Variants in MYH9 observed in about 807,000 individuals in gnomAD.
MYH9 encodes the protein myosin-9.
Under a neutral mutation model 241.9 loss-of-function variants are expected in MYH9, and 29 were observed. The observed-to-expected ratio is 0.12, with a 90% CI of 0.09 to 0.16. The LOEUF (loss-of-function observed/expected upper bound fraction) is 0.16. MYH9 is among the 10% of genes least tolerant of loss of function. The pLI is 1.00. For missense variants in MYH9, 1,803 were observed against 2,595.5 expected, an observed-to-expected ratio of 0.69 and a Z score of 6.63; for synonymous variants, 1,047 against 1,062.6, an observed-to-expected ratio of 0.99 and a Z score of 0.29.
Position 36,316,528 on chromosome 22 carries a change from C to A in MYH9, c.1369G>T (p.Glu457Ter). The A allele has an allele frequency of 6.2e-7, 1 of 1,614,054 alleles. No individual in the cohort carries two copies. Among genetic ancestry groups the A allele is most frequent in the Non-Finnish European group, 8.5e-7 (1 of 1,180,010 alleles). ...AGGGCAAGGCTCACATCAAAGATCT[C>A]GAAGCCGGCAATGTCCAGGATCCCG... ...FIGILDIAGFEIFDLNSFEQL... is the reference protein window; with the variant it reads ...FIGILDIAGF Residue 457 changes from glutamate to a stop codon, truncating the protein, a stop_gained, in exon 12 of 41, where the codon GAG becomes TAG. Coordinates refer to ENST00000216181, the MANE Select transcript of MYH9 (RefSeq NM_002473.6). LOFTEE classifies it high-confidence loss of function.
At chr22:36,333,852 G>A (rs1425433923) in intron 3 of MYH9, among the ~76,000 whole-genome samples, 1 of 152,178 alleles carries the variant, frequency 6.6e-6, no homozygotes, top group African/African-American at 2.4e-5. Context: ...ACACTCACCA[G>A]GCAGCAAGAG....
At position 36,284,217 on chromosome 22, in the gene MYH9, C is replaced by T; in HGVS notation, c.5641G>A (p.Glu1881Lys). The part of the protein sequence containing the change: ...RLKQLKRQLE[E>K]AEEEAQRANA... The stretch of plus-strand genomic sequence containing the variant: ...GCCCGCTGGGCCTCCTCTTCGGCCT[C>T]CTCCAGCTGCCGCTTGAGCTGCTTC... The change falls in exon 40 of 41, where the codon GAG (glutamate) becomes AAG (lysine). Residue 1881 changes from glutamate to lysine, a missense_variant. Coordinates refer to ENST00000216181, the MANE Select transcript of MYH9 (RefSeq NM_002473.6). 1 of 1,612,992 alleles carries T rather than the reference C, an allele frequency of 6.2e-7. No individual in the cohort carries two copies. Among genetic ancestry groups the T allele is most frequent in the Non-Finnish European group, 8.5e-7 (1 of 1,179,710 alleles).
At chr22:36,315,073 C>T (rs1249080812) in intron 12 of MYH9, among the ~76,000 whole-genome samples, 1 of 152,038 alleles carries the variant, frequency 6.6e-6, no homozygotes, top group East Asian at 1.9e-4. Flanking sequence ...AGTGAGCCAC[C>T]GCACCCGGCC....
rs570461619 is a variant in MYH9 at position 36,353,600 on chromosome 22, C to T, written c.-19-4345G>A. Among the ~76,000 whole-genome samples, 12 of 152,152 alleles carry T rather than the reference C, an allele frequency of 7.9e-5. No homozygotes were observed. The South Asian group carries it at 1.9e-3, about 24-fold the overall frequency. ...AACTCTTGACCTCAGGTGATCTGCC[C>T]GCCTTGGACTCCCAGAGTGCTGGGA... On this transcript the variant is annotated intron_variant, in intron 1 of 40. Transcript: ENST00000216181.
In MYH9 at chr22:36,293,753, C is replaced by G; in HGVS notation, c.3942+6G>C. On this transcript the variant is annotated splice_donor_region_variant and intron_variant, in intron 29 of 40. Coordinates refer to ENST00000216181, the MANE Select transcript of MYH9 (RefSeq NM_002473.6). This position sits in a 1 kb window ranked among gnomAD's most constrained non-coding sequence, Gnocchi z 5.1. ...CCACCTTCTGGGAACCTGGCGCCAC[C>G]CCTACCTGAGTGTCCTGCAGCTGGG... 6.2e-7 allele frequency: 1 copy of G among 1,613,316 alleles called. No homozygotes were observed. The highest frequency in any genetic ancestry group is 2.2e-5 in the East Asian group (1 of 44,868).
chr22:36,331,505 G>A (rs2017419073), intron 3 of MYH9, among the ~76,000 whole-genome samples: 1 of 152,230 alleles, frequency 6.6e-6, no homozygotes, highest in Non-Finnish European at 1.5e-5. Context: ...GGCCCAGGAG[G>A]GAGGAAGGGG....
intron 1 of MYH9, among the ~76,000 whole-genome samples, chr22:36,378,254 A>C (rs1395122190): frequency 1.3e-5 from 2 of 152,172 alleles, no homozygotes; most frequent in East Asian, 3.8e-4. Flanking sequence ...AGCCTGGGCA[A>C]CAGAGCAAGA....
At chr22:36,362,104 T>G (rs1310750542) in intron 1 of MYH9, among the ~76,000 whole-genome samples, 3 of 152,056 alleles carry the variant, frequency 2.0e-5, no homozygotes, top group Admixed American at 1.3e-4. Flanking sequence ...CTCCCTTACC[T>G]GCATGGAGGG....
At chr22:36,351,366 C>T (rs750588466) in intron 1 of MYH9, among the ~76,000 whole-genome samples, 10 of 152,126 alleles carry the variant, frequency 6.6e-5, no homozygotes, top group Non-Finnish European at 1.5e-4. Flanking sequence ...GAGAGCAGGC[C>T]GGGCTCAGAA....
intron 1 of MYH9, among the ~76,000 whole-genome samples, chr22:36,373,259 C>A (rs1008631601): frequency 6.6e-6 from 1 of 152,192 alleles, no homozygotes; most frequent in South Asian, 2.1e-4. Context: ...CCCCTGCCCT[C>A]AGCTGCCCCT....
chr22:36,290,453 A>G (rs1231021073), intron 31 of MYH9, among the ~76,000 whole-genome samples: 1 of 152,122 alleles, frequency 6.6e-6, no homozygotes, highest in Non-Finnish European at 1.5e-5. Context: ...TCAGTGCTCA[A>G]TGGAGCCCAG....
chr22:36,319,479 T>G, intron 10 of MYH9, 61 bp downstream of exon 10: 2 of 1,518,232 alleles, frequency 1.3e-6, no homozygotes, highest in Non-Finnish European at 1.8e-6. Flanking sequence ...CCTTCCCTCC[T>G]GAGCAAATCC....
At chr22:36,382,135 A>T (rs904169585) in intron 1 of MYH9, among the ~76,000 whole-genome samples, 1 of 151,658 alleles carries the variant, frequency 6.6e-6, no homozygotes, top group African/African-American at 2.4e-5. Context: ...GCCCCAAACG[A>T]CCTTCTAAAA....
rs147031322 is a variant in MYH9 at position 36,294,112 on chromosome 22, C to G, written c.3817G>C (p.Asp1273His). ...EGERVRTELA[D>H]KVTKLQVELD... Reference sequence around the variant, plus strand: ...CTCACCTGCAGCTTGGTGACCTTGTCGGCCAGCTCTGTGCGCACGCGCTCT... The same window carrying G: ...CTCACCTGCAGCTTGGTGACCTTGTGGGCCAGCTCTGTGCGCACGCGCTCT... The change falls in exon 28 of 41, where the codon GAC becomes CAC. Residue 1273 changes from aspartate to histidine, a missense_variant. This residue lies in a region of MYH9 where 876 missense variants were observed against 1,077.8 expected (regional missense o/e 0.81). Coordinates refer to ENST00000216181, the MANE Select transcript of MYH9 (RefSeq NM_002473.6). The G allele has an allele frequency of 9.3e-6, 15 of 1,609,766 alleles. 1 individual carries two copies. The South Asian group carries it at 1.6e-4, about 18-fold the overall frequency.
intron 3 of MYH9, among the ~76,000 whole-genome samples, chr22:36,338,469 A>G (rs1399068707): frequency 6.6e-6 from 1 of 152,184 alleles, no homozygotes; most frequent in African/African-American, 2.4e-5. Flanking sequence ...AGGCATCAAC[A>G]ATACAAGTTT....
chr22:36,352,400 G>A (rs1204670746), intron 1 of MYH9, among the ~76,000 whole-genome samples: 2 of 152,160 alleles, frequency 1.3e-5, no homozygotes, highest in Non-Finnish European at 2.9e-5. Context: ...GGCAGAATGA[G>A]CTCTGACCGT....
chr22:36,309,784 T>G lies in MYH9; in HGVS notation c.1729-388A>C, dbSNP rs2017031161. Among the ~76,000 whole-genome samples, 3 of 152,360 alleles carry G rather than the reference T, an allele frequency of 2.0e-5. No individual in the cohort carries two copies. In the South Asian group the frequency reaches 6.2e-4, roughly 32 times the overall value. ...TTCTTTTTAGTCATAAGACAAGTAATTTTTGTTTTTTCTTTGTCTTTTTAG... is the reference window on the plus strand; with the variant it reads ...TTCTTTTTAGTCATAAGACAAGTAAGTTTTGTTTTTTCTTTGTCTTTTTAG... On this transcript the variant is annotated intron_variant, in intron 14 of 40. Transcript: ENST00000216181.
chr22:36,379,428 G>A (rs893512770), intron 1 of MYH9, among the ~76,000 whole-genome samples: 1 of 152,234 alleles, frequency 6.6e-6, no homozygotes, highest in African/African-American at 2.4e-5. Flanking sequence ...AGAATGGCGT[G>A]AACCCGGGAG....
chr22:36,294,291 G>A lies in MYH9; in HGVS notation c.3638C>T (p.Ala1213Val). 6.2e-7 allele frequency: 1 copy of A among 1,613,780 alleles called. No individual in the cohort carries two copies. Among genetic ancestry groups the A allele is most frequent in the East Asian group, 2.2e-5 (1 of 44,894 alleles). Residue 1213 changes from alanine (A) to valine (V), a missense_variant, in exon 28 of 41, where the codon GCA becomes GTA. Coordinates refer to ENST00000216181, the MANE Select transcript of MYH9 (RefSeq NM_002473.6). ...EQLEQTKRVK[A>V]NLEKAKQTLE... ...AGTCTGCTTTGCCTTCTCGAGGTTT[G>A]CTTTCACCTAGCAGGGAAGAAAGCA...
Sources: gnomAD v4.1 joint callset for allele counts (sites outside exome capture counted in the v4.1 genomes callset) on GRCh38, gnomAD v4.1.1 for gene constraint, gnomAD v4.1.1 regional missense constraint, Gnocchi (gnomAD v3.1) non-coding constraint, MANE v1.5 for transcripts, NCBI Gene and HGNC (gene_info 2026-07-23, HGNC 2026-07-21) for gene names.